The following MTUS1 variants were observed in gnomAD, a reference collection of about 807,000 sequenced individuals.
MTUS1 encodes the protein microtubule-associated tumor suppressor 1.
Under a neutral mutation model 120.8 loss-of-function variants are expected in MTUS1, and 109 were observed. The observed-to-expected ratio is 0.90, with a 90% CI of 0.77 to 1.06. MTUS1 has a LOEUF of 1.06. Among genes scored for constraint, MTUS1 ranks in the 50% least tolerant of loss-of-function variants. The pLI is 0.00. For missense variants in MTUS1, 2,210 were observed against 1,486.3 expected, an observed-to-expected ratio of 1.49 and a Z score of -8.01; for synonymous variants, 737 against 550.5, an observed-to-expected ratio of 1.34 and a Z score of -4.74.
At chr8:17,764,863 G>C (rs1317234202) in intron 1 of MTUS1, among the ~76,000 whole-genome samples, 2 of 152,218 alleles carry the variant, frequency 1.3e-5, no homozygotes, top group Non-Finnish European at 2.9e-5. Context: ...GGTTTCATGG[G>C]AGACAACTTT....
intron 3 of MTUS1, among the ~76,000 whole-genome samples, chr8:17,729,758 C>CA (rs140863862): frequency 0.044 from 6,579 of 148,852 alleles, 190 homozygotes; most frequent in East Asian, 0.15. Context: ...TAAGAATAGC[C>CA]AAAAAAAAAT....
chr8:17,698,384 C>CG, intron 6 of MTUS1, among the ~76,000 whole-genome samples: 1 of 152,160 alleles, frequency 6.6e-6, no homozygotes, highest in South Asian at 2.1e-4. Flanking sequence ...AACATGATAG[C>CG]AAAACCAAAA....
chr8:17,706,275 T>A (rs554248043), intron 6 of MTUS1: 1 of 152,172 alleles, frequency 6.6e-6, no homozygotes, highest in African/African-American at 2.4e-5. Context: ...TGGGAATTAT[T>A]TCCCCAATAT....
At chr8:17,704,569 T>C (rs1057288890) in intron 6 of MTUS1, among the ~76,000 whole-genome samples, 1 of 152,168 alleles carries the variant, frequency 6.6e-6, no homozygotes, top group South Asian at 2.1e-4. Context: ...TTGCTGAAGA[T>C]TAGCTAACCG....
intron 6 of MTUS1, chr8:17,691,910 A>C (rs1817016555): frequency 1.3e-5 from 2 of 152,248 alleles, no homozygotes; most frequent in Admixed American, 1.3e-4. Context: ...CATTCTTCCC[A>C]ATGTATTTTA....
At chr8:17,791,523 T>C (rs972699230) in intron 1 of MTUS1, among the ~76,000 whole-genome samples, 5 of 152,200 alleles carry the variant, frequency 3.3e-5, no homozygotes, top group African/African-American at 9.7e-5. Flanking sequence ...TGCTGACTGA[T>C]AGCAAAGAGG....
chr8:17,704,041 T>G (rs1819654960), intron 6 of MTUS1: 1 of 152,780 alleles, frequency 6.5e-6, no homozygotes, highest in Admixed American at 6.5e-5. Context: ...AGCTGTAAAA[T>G]TCCTCTCTTT....
intron 1 of MTUS1, among the ~76,000 whole-genome samples, chr8:17,775,406 G>C (rs974459939): frequency 5.3e-5 from 8 of 152,228 alleles, no homozygotes; most frequent in African/African-American, 1.7e-4. Context: ...ACTTCAGGCT[G>C]CATCATGAGT....
At chr8:17,740,988 C>T (rs1244243119) in intron 3 of MTUS1, among the ~76,000 whole-genome samples, 2 of 152,162 alleles carry the variant, frequency 1.3e-5, no homozygotes, top group East Asian at 3.8e-4. Context: ...GCCTCACCCT[C>T]CCCAATAGCT....
At chr8:17,654,523 ATT>A (rs1807771784) in intron 10 of MTUS1, 36 bp downstream of exon 10, 1 of 1,321,536 alleles carries the variant, frequency 7.6e-7, no homozygotes, top group South Asian at 1.2e-5. Context: ...GTTCCTTCAG[ATT>A]TTATTCTGTT....
rs372568627 is a variant in MTUS1 at position 17,692,760 on chromosome 8, A to G, written c.2624-8218T>C. 9.9e-4 allele frequency among the ~76,000 whole-genome samples: 151 copies of G among 152,284 alleles called. 2 individuals carry two copies. Among genetic ancestry groups the G allele is most frequent in the African/African-American group, 3.3e-3 (139 of 41,556 alleles). On this transcript the variant is annotated intron_variant, in intron 6 of 14. Coordinates refer to ENST00000693296, the MANE Select transcript of MTUS1 (RefSeq NM_001363059.2). ...TGGGTGATGAAATCATCTGTACAAT[A>G]AACTATTTATTGTACAAGAATCTGT...
intron 6 of MTUS1, among the ~76,000 whole-genome samples, chr8:17,702,822 T>C (rs1215727540): frequency 1.3e-5 from 2 of 152,158 alleles, no homozygotes; most frequent in South Asian, 2.1e-4. Flanking sequence ...GCAATGACCA[T>C]TGTTGCAGGG....
chr8:17,760,379 G>C (rs1301073471), intron 1 of MTUS1, among the ~76,000 whole-genome samples: 1 of 152,088 alleles, frequency 6.6e-6, no homozygotes, highest in Non-Finnish European at 1.5e-5. Flanking sequence ...TAGTGGTACA[G>C]GGATTTGGAT....
intron 7 of MTUS1, chr8:17,676,301 A>G (rs1813095957): frequency 2.8e-6 from 2 of 703,076 alleles, no homozygotes; most frequent in Non-Finnish European, 5.2e-6. Context: ...TGGAGAATAG[A>G]GGCACAGTTT....
In MTUS1 at chr8:17,657,076, A is replaced by T. The variant is rs541769477; in HGVS notation, c.2906-1011T>A. ...TCTGTCTCAAAAAAAAAAAAAAAAA[A>T]AAAAAGAAACAAGTGGACCTTAAAC... On this transcript the variant is annotated intron_variant, in intron 8 of 14. Transcript: ENST00000693296. 2.9e-3 allele frequency among the ~76,000 whole-genome samples: 434 copies of T among 150,930 alleles called. 3 individuals carry two copies. Among genetic ancestry groups the T allele is most frequent in the African/African-American group, 0.01 (420 of 41,248 alleles).
chr8:17,770,130 A>C (rs913773684), intron 1 of MTUS1, among the ~76,000 whole-genome samples: 4 of 152,204 alleles, frequency 2.6e-5, no homozygotes, highest in South Asian at 4.1e-4. Context: ...TTGCTTAATG[A>C]GAGTTTTTGT....
At chr8:17,702,172 C>T (rs1379053596) in intron 6 of MTUS1, among the ~76,000 whole-genome samples, 1 of 152,204 alleles carries the variant, frequency 6.6e-6, no homozygotes, top group Non-Finnish European at 1.5e-5. Flanking sequence ...GGTGTTTGCT[C>T]TCTGCTACAG....
At chr8:17,709,098 C>T (rs1313190872) in intron 6 of MTUS1, 3 of 151,060 alleles carry the variant, frequency 2.0e-5, no homozygotes, top group African/African-American at 7.3e-5. Context: ...CATCGCGCCA[C>T]TGCACTCCAG....
Position 17,645,661 on chromosome 8 carries a change from T to C in MTUS1, c.*265A>G, listed in dbSNP as rs929637252. ...CAATGAACAAGATGCTCTCGTTCTT[T>C]AAGTGCTTTGTGCAACAACGTCCGT... On this transcript the variant is annotated 3_prime_UTR_variant, in exon 15 of 15. Coordinates refer to ENST00000693296, the MANE Select transcript of MTUS1 (RefSeq NM_001363059.2). 1 of 353,108 alleles carries C rather than the reference T, an allele frequency of 2.8e-6. No individual in the cohort carries two copies. The highest frequency in any genetic ancestry group is 5.0e-6 in the Non-Finnish European group (1 of 198,482). The allele number at this position is 353,108 out of a possible 1,614,324, so 21.9% of individuals were successfully genotyped here. A position where few individuals can be genotyped will look rare whatever the true frequency, so the allele number is the denominator to read the frequency against.
Sources: gnomAD v4.1 joint callset for allele counts (sites outside exome capture counted in the v4.1 genomes callset) on GRCh38, gnomAD v4.1.1 for gene constraint, MANE v1.5 for transcripts, NCBI Gene and HGNC (gene_info 2026-07-23, HGNC 2026-07-21) for gene names.